The following PRKG2 variants were observed in gnomAD, a reference collection of about 807,000 sequenced individuals.
The protein encoded by PRKG2 is protein kinase cGMP-dependent 2.
In PRKG2, 33 loss-of-function variants were observed where a neutral mutation model predicts 97.2. The ratio of observed to expected loss-of-function variants is 0.34; its 90% CI spans 0.26 to 0.45. The LOEUF (loss-of-function observed/expected upper bound fraction) is 0.45, where lower values mean the gene tolerates loss of function less well. PRKG2 is among the 20% of genes least tolerant of loss of function. The probability of loss-of-function intolerance (pLI) is 1.00; values close to 1 mark genes in which losing one functional copy is unlikely to be tolerated. For missense variants in PRKG2, 638 were observed against 900.0 expected, an observed-to-expected ratio of 0.71 and a Z score of 3.73; for synonymous variants, 330 against 321.8, an observed-to-expected ratio of 1.03 and a Z score of -0.27.
intron 14 of PRKG2, among the ~76,000 whole-genome samples, chr4:81,127,385 T>A (rs948577143): frequency 8.5e-5 from 13 of 152,216 alleles, no homozygotes; most frequent in African/African-American, 3.1e-4. Context: ...TTAAAGTAAT[T>A]TTTTCTAATT....
At chr4:81,180,879 A>C (rs1392833863) in intron 2 of PRKG2, among the ~76,000 whole-genome samples, 5 of 152,078 alleles carry the variant, frequency 3.3e-5, no homozygotes. Context: ...ACATGTGCAC[A>C]ATGTGCAGGT....
At chr4:81,156,486 C>A (rs535957668) in intron 6 of PRKG2, among the ~76,000 whole-genome samples, 40 of 152,230 alleles carry the variant, frequency 2.6e-4, no homozygotes, top group African/African-American at 8.9e-4. Context: ...TAATGGGAGA[C>A]TTTAACACCC....
chr4:81,142,157 G>A (rs1349887270), intron 11 of PRKG2, among the ~76,000 whole-genome samples: 1 of 152,228 alleles, frequency 6.6e-6, no homozygotes, highest in African/African-American at 2.4e-5. Context: ...CTCCTTGGAA[G>A]CTGATAGCTC....
chr4:81,208,308 A>ATGTATGTATGTATGTAT (rs1753789029), intron 1 of PRKG2, among the ~76,000 whole-genome samples: 2 of 152,192 alleles, frequency 1.3e-5, no homozygotes, highest in Non-Finnish European at 2.9e-5. Context: ...CTCTTATTAT[A>ATGTATGTATGTATGTAT]GTATGTAACT....
chr4:81,183,096 C>T (rs1400783967), intron 2 of PRKG2, among the ~76,000 whole-genome samples: 1 of 151,974 alleles, frequency 6.6e-6, no homozygotes, highest in Non-Finnish European at 1.5e-5. Context: ...AAAATTACAA[C>T]ACTTAAAGTA....
intron 17 of PRKG2, among the ~76,000 whole-genome samples, chr4:81,094,201 T>C (rs890060524): frequency 2.0e-5 from 3 of 152,190 alleles, no homozygotes; most frequent in African/African-American, 7.2e-5. Context: ...TTGGGAGACA[T>C]GACTGGTGCC....
At position 81,188,193 on chromosome 4, in the gene PRKG2, C is replaced by T. The variant is rs1224866146; in HGVS notation, c.462-13234G>A. Among the ~76,000 whole-genome samples the T allele has an allele frequency of 2.0e-5, 3 of 151,660 alleles. No individual in the cohort carries two copies. The East Asian group carries it at 5.8e-4, about 29-fold the overall frequency. On this transcript the variant is annotated intron_variant, in intron 2 of 18. Coordinates refer to ENST00000264399, the MANE Select transcript of PRKG2 (RefSeq NM_006259.3). The stretch of plus-strand genomic sequence containing the variant: ...ATTTACAAGAAAAAAACAAACAACC[C>T]CATCAAACAGTGGGTGAAGGACATG...
chr4:81,096,164 T>C (rs967386069), intron 17 of PRKG2, among the ~76,000 whole-genome samples: 1 of 152,196 alleles, frequency 6.6e-6, no homozygotes. Flanking sequence ...GTTTGCTGTA[T>C]TGATTAACTT....
intron 8 of PRKG2, among the ~76,000 whole-genome samples, chr4:81,151,410 T>C (rs2110056991): frequency 6.6e-6 from 1 of 152,224 alleles, no homozygotes; most frequent in South Asian, 2.1e-4. Flanking sequence ...TTTAAAAATA[T>C]TTCTTCCATA....
intron 6 of PRKG2, among the ~76,000 whole-genome samples, chr4:81,155,845 G>C (rs1560587859): frequency 2.0e-5 from 3 of 151,836 alleles, no homozygotes; most frequent in Admixed American, 6.6e-5. Context: ...CATAAGTGAA[G>C]GAGAAATAAA....
intron 2 of PRKG2, among the ~76,000 whole-genome samples, chr4:81,202,263 T>C (rs531445398): frequency 5.1e-4 from 77 of 152,212 alleles, no homozygotes; most frequent in Non-Finnish European, 4.9e-4. Flanking sequence ...GATTTGCAAA[T>C]GGAAAATGAA....
chr4:81,108,535 A>T (rs1308725609), intron 15 of PRKG2, among the ~76,000 whole-genome samples: 1 of 149,120 alleles, frequency 6.7e-6, no homozygotes, highest in East Asian at 2.0e-4. Context: ...CAGGGCATTT[A>T]AAGTTAACCT....
intron 14 of PRKG2, among the ~76,000 whole-genome samples, chr4:81,126,695 CT>C: frequency 6.6e-6 from 1 of 152,168 alleles, no homozygotes; most frequent in South Asian, 2.1e-4. Context: ...GCGTCTGTTC[CT>C]CTCCTTTGCC....
At chr4:81,143,093 ATCAGAT>A (rs1299918925) in intron 10 of PRKG2, 146 bp from the exon 11 acceptor site, 1 of 1,064,882 alleles carries the variant, frequency 9.4e-7, no homozygotes, top group African/African-American at 1.6e-5. Context: ...ACTTTTATGG[ATCAGAT>A]TCAGTCCCAC....
At chr4:81,100,435 A>G (rs1742621709) in intron 17 of PRKG2, among the ~76,000 whole-genome samples, 1 of 152,198 alleles carries the variant, frequency 6.6e-6, no homozygotes, top group South Asian at 2.1e-4. Context: ...CTGATCTTTG[A>G]CAAACCTGAC....
chr4:81,108,890 G>A (rs1398283966), intron 15 of PRKG2, among the ~76,000 whole-genome samples: 1 of 152,062 alleles, frequency 6.6e-6, no homozygotes, highest in African/African-American at 2.4e-5. Flanking sequence ...GAGTGACACC[G>A]TGTCTCAACA....
At chr4:81,110,983 A>T (rs1743869233) in intron 14 of PRKG2, among the ~76,000 whole-genome samples, 1 of 151,974 alleles carries the variant, frequency 6.6e-6, no homozygotes, top group African/African-American at 2.4e-5. Flanking sequence ...GTTTAATTCA[A>T]AAGTGGTATT....
At chr4:81,164,750 T>G (rs1163228680) in intron 6 of PRKG2, among the ~76,000 whole-genome samples, 1 of 152,124 alleles carries the variant, frequency 6.6e-6, no homozygotes, top group South Asian at 2.1e-4. Context: ...GCAAAGGTGC[T>G]CCACACTACA....
At chr4:81,202,242 A>G (rs1298747341) in intron 2 of PRKG2, among the ~76,000 whole-genome samples, 3 of 152,194 alleles carry the variant, frequency 2.0e-5, no homozygotes, top group Non-Finnish European at 4.4e-5. Context: ...GCTTTTATCC[A>G]ATACTGAAAT....
Sources: gnomAD v4.1 joint callset for allele counts (sites outside exome capture counted in the v4.1 genomes callset) on GRCh38, gnomAD v4.1.1 for gene constraint, MANE v1.5 for transcripts, NCBI Gene and HGNC (gene_info 2026-07-23, HGNC 2026-07-21) for gene names.